Variants in LY96 observed in about 807,000 individuals in gnomAD.
LY96 encodes myeloid differentiation protein-2.
LY96 carries 18 observed loss-of-function variants against 18.9 expected under a neutral mutation model. The observed-to-expected ratio is 0.95, with a 90% CI of 0.66 to 1.41. The LOEUF (loss-of-function observed/expected upper bound fraction) is 1.41. LY96 is among the 40% of genes most tolerant of loss of function. The pLI is 0.00. For missense variants in LY96, 175 were observed against 182.4 expected, an observed-to-expected ratio of 0.96 and a Z score of 0.23; for synonymous variants, 66 against 62.6, an observed-to-expected ratio of 1.06 and a Z score of -0.26.
At chr8:74,047,776 C>G in the LY96 span, among the ~76,000 whole-genome samples, 2 of 152,342 alleles carry the variant, frequency 1.3e-5, no homozygotes, top group East Asian at 3.8e-4. Context: ...ATTATCCAAA[C>G]CACAATGCTA....
chr8:74,091,489 C>T, the LY96 span, among the ~76,000 whole-genome samples: 39 of 152,230 alleles, frequency 2.6e-4, 1 homozygote, highest in South Asian at 7.9e-3. Context: ...GACTTGTGTC[C>T]CCCCTCAGGA....
chr8:74,029,325 AG>A (rs915516178), downstream of LY96, among the ~76,000 whole-genome samples: 23 of 152,304 alleles, frequency 1.5e-4, no homozygotes, highest in African/African-American at 4.3e-4. Flanking sequence ...GCAATGGGCA[AG>A]GTAGGGTAAG....
Position 74,022,017 on chromosome 8 carries a change from A to G in LY96, c.332-4772A>G, listed in dbSNP as rs190719830. On this transcript the variant is annotated intron_variant, in intron 3 of 4. Transcript: ENST00000284818. ...GCAAACCAACATGGCACATGTATAC[A>G]TATGTAAGAAATCTGCACATTGTGC... is the stretch of plus-strand genomic sequence containing the variant. Among the ~76,000 whole-genome samples the G allele has an allele frequency of 4.6e-5, 7 of 152,188 alleles. No individual in the cohort carries two copies. In the East Asian group the frequency reaches 9.7e-4, roughly 21 times the overall value.
the LY96 span, among the ~76,000 whole-genome samples, chr8:74,069,379 T>C: frequency 2.0e-5 from 3 of 152,164 alleles, no homozygotes; most frequent in African/African-American, 7.2e-5. Flanking sequence ...GTGGCTAGCA[T>C]AGGTCAGAAG....
the LY96 span, among the ~76,000 whole-genome samples, chr8:74,065,316 G>A: frequency 5.4e-4 from 82 of 152,318 alleles, 1 homozygote; most frequent in South Asian, 9.3e-3. Flanking sequence ...CCAGGTTGCG[G>A]TCACTCATAC....
intron 2 of LY96, among the ~76,000 whole-genome samples, chr8:74,005,219 C>A (rs1816387350): frequency 1.3e-5 from 2 of 152,148 alleles, no homozygotes; most frequent in Admixed American, 1.3e-4. Flanking sequence ...GTATTCAGTC[C>A]CTTGCTGGCT....
intron 3 of LY96, among the ~76,000 whole-genome samples, chr8:74,013,614 G>T (rs1212373043): frequency 4.6e-5 from 7 of 151,980 alleles, no homozygotes; most frequent in Admixed American, 2.0e-4. Context: ...TAGAGACAGG[G>T]TCTCACTATG....
At chr8:74,087,353 A>C in the LY96 span, among the ~76,000 whole-genome samples, 4 of 152,176 alleles carry the variant, frequency 2.6e-5, no homozygotes, top group African/African-American at 9.7e-5. Context: ...ACAAGTGCCC[A>C]GTTGTATTTT....
the LY96 span, among the ~76,000 whole-genome samples, chr8:74,044,576 T>TA: frequency 0.022 from 3,143 of 145,948 alleles, 46 homozygotes; most frequent in African/African-American, 0.037. Flanking sequence ...GTTGGCAGGG[T>TA]AAAAAAAAAA....
At chr8:74,090,158 A>G in the LY96 span, among the ~76,000 whole-genome samples, 2 of 152,156 alleles carry the variant, frequency 1.3e-5, no homozygotes, top group Non-Finnish European at 2.9e-5. Context: ...AAGCAGGTTG[A>G]CCAGTAAGGA....
intron 3 of LY96, among the ~76,000 whole-genome samples, chr8:74,014,848 T>C (rs57740179): frequency 0.19 from 25,640 of 136,414 alleles, 2,426 homozygotes; most frequent in African/African-American, 0.31. Context: ...CACACACACA[T>C]ATATCTGTTT....
At chr8:73,996,372 C>CATTCATTTCTTT (rs756373007) in intron 1 of LY96, among the ~76,000 whole-genome samples, 14 of 111,006 alleles carry the variant, frequency 1.3e-4, no homozygotes, top group African/African-American at 4.2e-4. Flanking sequence ...TTCCTTCATT[C>CATTCATTTCTTT]CTTTCTTTCT....
chr8:74,081,041 T>A, the LY96 span, among the ~76,000 whole-genome samples: 1,086 of 126,272 alleles, frequency 8.6e-3, 11 homozygotes, highest in African/African-American at 0.016. Flanking sequence ...TTTCTTTCTT[T>A]CTTTCTTTTT....
intron 3 of LY96, among the ~76,000 whole-genome samples, chr8:74,014,169 G>T (rs1262181686): frequency 6.6e-6 from 1 of 151,710 alleles, no homozygotes; most frequent in Non-Finnish European, 1.5e-5. Flanking sequence ...CTTGGGCTGG[G>T]TGCCTGTAAT....
chr8:74,066,172 C>T, the LY96 span, among the ~76,000 whole-genome samples: 4 of 152,114 alleles, frequency 2.6e-5, no homozygotes, highest in Admixed American at 6.6e-5. Context: ...GACTCACTCT[C>T]GGTTTCATAG....
chr8:74,026,182 T>C (rs915905732), intron 3 of LY96, among the ~76,000 whole-genome samples: 7 of 152,270 alleles, frequency 4.6e-5, no homozygotes, highest in African/African-American at 1.4e-4. Context: ...TTTCTTTTGT[T>C]TGAGATTCAA....
chr8:74,076,199 GTTC>G, the LY96 span, among the ~76,000 whole-genome samples: 1 of 151,986 alleles, frequency 6.6e-6, no homozygotes, highest in African/African-American at 2.4e-5. Context: ...TGGGATGTAG[GTTC>G]TTCTTGAAGG....
chr8:74,055,365 G>A, the LY96 span, among the ~76,000 whole-genome samples: 1 of 152,088 alleles, frequency 6.6e-6, no homozygotes, highest in Non-Finnish European at 1.5e-5. Flanking sequence ...AAGCTCACTA[G>A]TGCTAGTTAA....
At chr8:74,087,232 C>T in the LY96 span, among the ~76,000 whole-genome samples, 6 of 152,116 alleles carry the variant, frequency 3.9e-5, no homozygotes, top group African/African-American at 9.7e-5. Flanking sequence ...TTACCTGTAT[C>T]GGAATCATCT....
Sources: gnomAD v4.1 joint callset for allele counts (sites outside exome capture counted in the v4.1 genomes callset) on GRCh38, gnomAD v4.1.1 for gene constraint, MANE v1.5 for transcripts, NCBI Gene and HGNC (gene_info 2026-07-23, HGNC 2026-07-21) for gene names.